Variants in DPP10 observed in about 807,000 individuals in gnomAD.
DPP10 encodes the protein inactive dipeptidyl peptidase 10.
In DPP10, 33 loss-of-function variants were observed where a neutral mutation model predicts 120.9. The ratio of observed to expected loss-of-function variants is 0.27; its 90% confidence interval spans 0.21 to 0.37. DPP10 has a LOEUF of 0.37. DPP10 is among the 10% of genes least tolerant of loss of function. The pLI, the probability that DPP10 is intolerant of heterozygous loss-of-function variation, is 1.00. For synonymous variants in DPP10, 337 were observed against 326.1 expected (o/e 1.03, Z -0.36); for missense variants, 816 against 942.8 (o/e 0.87, Z 1.76).
rs561162443 is a variant in DPP10, at chr2:114,666,850, A to G, written c.60+224012A>G. The stretch of plus-strand genomic sequence containing the variant: ...GATGGTAAATACATAGTATAATACT[A>G]AATGTTTTATATGTCTTAATCGTAA... On this transcript the variant is annotated intron_variant, in intron 1 of 25. Transcript: ENST00000410059. Among the ~76,000 whole-genome samples the G allele has an allele frequency of 4.6e-5, 7 of 152,376 alleles. No homozygotes were observed. In the East Asian group the frequency reaches 1.3e-3, roughly 29 times the overall value.
At chr2:114,498,154 T>C (rs894231958) in intron 1 of DPP10, among the ~76,000 whole-genome samples, 2 of 152,230 alleles carry the variant, frequency 1.3e-5, no homozygotes, top group African/African-American at 4.8e-5. Context: ...TCACTCCAAC[T>C]ACCTATCATT....
intron 1 of DPP10, among the ~76,000 whole-genome samples, chr2:115,138,196 T>C (rs1355447808): frequency 6.6e-6 from 1 of 152,192 alleles, no homozygotes; most frequent in Non-Finnish European, 1.5e-5. Context: ...TCAATTTTTT[T>C]TTTAGTGCCC....
At chr2:114,528,890 T>C (rs1426883888) in intron 1 of DPP10, among the ~76,000 whole-genome samples, 1 of 152,006 alleles carries the variant, frequency 6.6e-6, no homozygotes, top group African/African-American at 2.4e-5. Flanking sequence ...CCTCTTTACA[T>C]ATGGACAATG....
At position 115,177,250 on chromosome 2, in the gene DPP10, A is replaced by G. The variant is rs76118880; in HGVS notation, c.61-131989A>G. Among the ~76,000 whole-genome samples, 385 of 152,302 alleles carry G rather than the reference A, an allele frequency of 2.5e-3. 8 individuals carry two copies. In the East Asian group the frequency reaches 0.062, roughly 25 times the overall value. On this transcript the variant is annotated intron_variant, in intron 1 of 25. Transcript: ENST00000410059. ...AATGTAAACTTTACAATTTAGAAAA[A>G]CTTAAAATTGTCTTCCTTGTCTCCC...
chr2:115,470,156 A>G (rs2074609028), intron 3 of DPP10, among the ~76,000 whole-genome samples: 1 of 152,176 alleles, frequency 6.6e-6, no homozygotes, highest in Non-Finnish European at 1.5e-5. Context: ...TTCTAAAGCA[A>G]GAATGTTCAA....
At chr2:115,697,705 G>T (rs1033266098) in intron 7 of DPP10, among the ~76,000 whole-genome samples, 1 of 152,064 alleles carries the variant, frequency 6.6e-6, no homozygotes, top group African/African-American at 2.4e-5. Flanking sequence ...ACACAGTAAG[G>T]CCAGGTGCAG....
chr2:115,375,709 T>A (rs2065744137), intron 3 of DPP10, among the ~76,000 whole-genome samples: 1 of 152,160 alleles, frequency 6.6e-6, no homozygotes, highest in African/African-American at 2.4e-5. Flanking sequence ...ACACAAATCA[T>A]GACTGGAAGA....
chr2:114,756,682 C>T (rs150167040), intron 1 of DPP10, among the ~76,000 whole-genome samples: 4 of 152,226 alleles, frequency 2.6e-5, no homozygotes, highest in African/African-American at 7.2e-5. Flanking sequence ...CGTACATTTA[C>T]GAAAGATGAT....
intron 4 of DPP10, among the ~76,000 whole-genome samples, chr2:115,519,701 T>C (rs1416646964): frequency 6.6e-6 from 1 of 152,180 alleles, no homozygotes; most frequent in Non-Finnish European, 1.5e-5. Context: ...GTCTTTTGCA[T>C]CATTCTAGGG....
intron 1 of DPP10, among the ~76,000 whole-genome samples, chr2:115,100,545 T>C (rs2048636447): frequency 6.6e-6 from 1 of 152,078 alleles, no homozygotes; most frequent in South Asian, 2.1e-4. Context: ...TGTATATACG[T>C]ATGTGTGTAT....
chr2:114,453,910 G>A (rs1194868892), intron 1 of DPP10, among the ~76,000 whole-genome samples: 1 of 152,098 alleles, frequency 6.6e-6, no homozygotes, highest in Non-Finnish European at 1.5e-5. Context: ...CACATGAGGA[G>A]ACCAAATGGG....
At chr2:114,967,353 A>G (rs1259121881) in intron 1 of DPP10, among the ~76,000 whole-genome samples, 3 of 152,184 alleles carry the variant, frequency 2.0e-5, no homozygotes, top group Non-Finnish European at 4.4e-5. Flanking sequence ...CAGGAAGGCC[A>G]GCAGAGTTTG....
chr2:115,275,769 G>A (rs182726324), intron 1 of DPP10, among the ~76,000 whole-genome samples: 4 of 142,854 alleles, frequency 2.8e-5, no homozygotes, highest in African/African-American at 7.8e-5. Context: ...GCCTGATCTC[G>A]GCTCACTGCA....
At chr2:115,306,804 T>A (rs1377175621) in intron 1 of DPP10, among the ~76,000 whole-genome samples, 1 of 152,136 alleles carries the variant, frequency 6.6e-6, no homozygotes, top group East Asian at 1.9e-4. Context: ...CGTAGCCAGC[T>A]GTGACTTGGA....
chr2:115,457,221 A>G (rs1360337142), intron 3 of DPP10, among the ~76,000 whole-genome samples: 2 of 152,146 alleles, frequency 1.3e-5, no homozygotes, highest in Non-Finnish European at 2.9e-5. Flanking sequence ...CCACTTGAAA[A>G]AAAATGAATT....
chr2:115,717,888 T>C, intron 7 of DPP10, among the ~76,000 whole-genome samples: 1 of 152,108 alleles, frequency 6.6e-6, no homozygotes, highest in Non-Finnish European at 1.5e-5. Flanking sequence ...CCTAAGGATA[T>C]TTTATCTGGA....
intron 1 of DPP10, among the ~76,000 whole-genome samples, chr2:115,063,486 T>C (rs952695893): frequency 3.3e-5 from 5 of 152,130 alleles, no homozygotes; most frequent in African/African-American, 1.2e-4. Flanking sequence ...AGAACAAAGC[T>C]GGGGGCATCA....
At chr2:115,238,609 G>A (rs999158631) in intron 1 of DPP10, among the ~76,000 whole-genome samples, 2 of 152,108 alleles carry the variant, frequency 1.3e-5, no homozygotes, top group African/African-American at 4.8e-5. Context: ...AATTAGAAGT[G>A]GAGTCTCCAG....
At chr2:114,734,187 C>T (rs1205544124) in intron 1 of DPP10, among the ~76,000 whole-genome samples, 2 of 152,152 alleles carry the variant, frequency 1.3e-5, no homozygotes, top group African/African-American at 4.8e-5. Context: ...AACCCACATT[C>T]TATAGAGAAT....
Sources: allele counts gnomAD v4.1 joint callset (sites outside exome capture counted in the v4.1 genomes callset), GRCh38; gene constraint gnomAD v4.1.1; transcripts MANE v1.5; gene names NCBI Gene and HGNC (gene_info 2026-07-23, HGNC 2026-07-21).